LDLRAD4: variants seen among roughly 807,000 people sequenced by gnomAD.
LDLRAD4 encodes low-density lipoprotein receptor class A domain-containing protein 4.
A neutral mutation model predicts 17.0 loss-of-function variants in LDLRAD4; 5 were observed. The observed-to-expected ratio is 0.29, with a 90% confidence interval of 0.15 to 0.62. LDLRAD4 has a LOEUF of 0.62. Among genes scored for constraint, LDLRAD4 ranks in the 20% least tolerant of loss-of-function variants. The pLI, the probability that LDLRAD4 is intolerant of heterozygous loss-of-function variation, is 0.84. For missense variants in LDLRAD4, 340 were observed against 424.7 expected (o/e 0.80, Z 1.75); for synonymous variants, 168 against 171.8 (o/e 0.98, Z 0.17).
chr18:13,287,496 G>A lies in LDLRAD4; in HGVS notation c.-383+9308G>A, dbSNP rs149752825. Among the ~76,000 whole-genome samples, 81 of 152,242 alleles carry A rather than the reference G, an allele frequency of 5.3e-4. 1 individual carries two copies. In the East Asian group the frequency reaches 0.014, roughly 27 times the overall value. On this transcript the variant is annotated intron_variant, in intron 1 of 5. Coordinates refer to ENST00000359446, the Ensembl canonical transcript of LDLRAD4. ...TGTATCTGATAAAGAGAAACTACCC[G>A]GTGCTTCCCTCTGGAGAGTGGGTGC...
chr18:13,388,730 G>A (rs187662069), intron 2 of LDLRAD4, among the ~76,000 whole-genome samples: 1 of 152,330 alleles, frequency 6.6e-6, no homozygotes, highest in East Asian at 1.9e-4. Context: ...GCACTCCTCC[G>A]CAGTCGCCGT....
chr18:13,304,842 C>A (rs963442508), intron 1 of LDLRAD4, among the ~76,000 whole-genome samples: 1 of 152,066 alleles, frequency 6.6e-6, no homozygotes. Flanking sequence ...GGGATGGGGA[C>A]AGGGAAGATG....
At chr18:13,322,194 A>AT (rs1383723157) in intron 1 of LDLRAD4, among the ~76,000 whole-genome samples, 3 of 150,966 alleles carry the variant, frequency 2.0e-5, no homozygotes, top group African/African-American at 4.9e-5. Flanking sequence ...TCCCTTCTTA[A>AT]TTTTTTTATG....
At chr18:13,390,401 C>T (rs780835404) in intron 2 of LDLRAD4, among the ~76,000 whole-genome samples, 4 of 152,246 alleles carry the variant, frequency 2.6e-5, no homozygotes, top group African/African-American at 4.8e-5. Flanking sequence ...TGCCAGTGGC[C>T]TCTCCAGATT....
At chr18:13,394,349 G>A (rs2086494885) in intron 2 of LDLRAD4, among the ~76,000 whole-genome samples, 1 of 152,062 alleles carries the variant, frequency 6.6e-6, no homozygotes, top group Non-Finnish European at 1.5e-5. Context: ...GTAGTCTCAT[G>A]TCGAGATGTG....
intron 3 of LDLRAD4, among the ~76,000 whole-genome samples, chr18:13,513,177 G>A (rs2093809603): frequency 6.6e-6 from 1 of 152,212 alleles, no homozygotes; most frequent in Non-Finnish European, 1.5e-5. Flanking sequence ...TGTTCTGGGT[G>A]GCACTTGCCC....
intron 1 of LDLRAD4, among the ~76,000 whole-genome samples, chr18:13,376,824 G>A (rs80225370): frequency 6.6e-6 from 1 of 152,224 alleles, no homozygotes; most frequent in Non-Finnish European, 1.5e-5. Context: ...CTTTTCCTGT[G>A]TGAGAGCACA....
chr18:13,627,481 G>C (rs1197656456), intron 4 of LDLRAD4, among the ~76,000 whole-genome samples: 1 of 152,078 alleles, frequency 6.6e-6, no homozygotes, highest in Non-Finnish European at 1.5e-5. Flanking sequence ...TGCACGTGGG[G>C]GTTGTTTTTC....
At chr18:13,620,975 GT>G in intron 3 of LDLRAD4, 141 bp from the exon 5 acceptor site, 1 of 1,201,128 alleles carries the variant, frequency 8.3e-7, no homozygotes, top group Non-Finnish European at 1.2e-6. Context: ...TGGGACAGTC[GT>G]TTCTGTGTCC....
intron 3 of LDLRAD4, among the ~76,000 whole-genome samples, chr18:13,599,983 T>C (rs906816135): frequency 2.0e-5 from 3 of 152,220 alleles, no homozygotes; most frequent in Admixed American, 6.5e-5. Flanking sequence ...TTTTATTATA[T>C]ATCTTTTAAA....
chr18:13,369,005 A>G (rs1372465002), intron 1 of LDLRAD4, among the ~76,000 whole-genome samples: 1 of 152,180 alleles, frequency 6.6e-6, no homozygotes, highest in African/African-American at 2.4e-5. Context: ...TGCCAGGCCA[A>G]GCCATGATCT....
At chr18:13,326,615 A>G (rs1451180515) in intron 1 of LDLRAD4, among the ~76,000 whole-genome samples, 7 of 152,218 alleles carry the variant, frequency 4.6e-5, no homozygotes, top group African/African-American at 1.4e-4. Context: ...GGAATGATCT[A>G]TGGGGCAACC....
At chr18:13,494,599 G>A (rs1353888731) in intron 3 of LDLRAD4, among the ~76,000 whole-genome samples, 1 of 83,976 alleles carries the variant, frequency 1.2e-5, no homozygotes, top group Non-Finnish European at 2.6e-5. Flanking sequence ...GATCCCTTGA[G>A]CCCCAGGAGA....
At chr18:13,337,222 G>A (rs189622200) in intron 1 of LDLRAD4, among the ~76,000 whole-genome samples, 13 of 152,088 alleles carry the variant, frequency 8.5e-5, no homozygotes, top group Non-Finnish European at 1.3e-4. Context: ...TCCCATTCGC[G>A]CACTCATACT....
chr18:13,551,247 C>T (rs1488729354), intron 3 of LDLRAD4, among the ~76,000 whole-genome samples: 3 of 152,162 alleles, frequency 2.0e-5, no homozygotes, highest in African/African-American at 4.8e-5. Flanking sequence ...AGAGCAGCAG[C>T]GAGGGTCCCC....
At chr18:13,434,402 G>C (rs1035667016) in intron 2 of LDLRAD4, among the ~76,000 whole-genome samples, 1 of 152,046 alleles carries the variant, frequency 6.6e-6, no homozygotes, top group Admixed American at 6.5e-5. Flanking sequence ...GGAGACACTG[G>C]TTCCTGAGCA....
At chr18:13,517,514 G>C (rs1282056922) in intron 3 of LDLRAD4, among the ~76,000 whole-genome samples, 1 of 152,192 alleles carries the variant, frequency 6.6e-6, no homozygotes. Flanking sequence ...AATGTCTCTG[G>C]TGGCCATCTG....
chr18:13,334,586 T>C (rs2082018323), intron 1 of LDLRAD4, among the ~76,000 whole-genome samples: 1 of 152,214 alleles, frequency 6.6e-6, no homozygotes, highest in Admixed American at 6.5e-5. Context: ...CTATAGTTGC[T>C]TATTAGTTTC....
At chr18:13,364,624 G>A (rs928903260) in intron 1 of LDLRAD4, among the ~76,000 whole-genome samples, 2 of 152,174 alleles carry the variant, frequency 1.3e-5, no homozygotes, top group African/African-American at 2.4e-5. Flanking sequence ...TTACAGGTGC[G>A]AGCTGCCACA....
Sources: gnomAD v4.1 joint callset for allele counts (sites outside exome capture counted in the v4.1 genomes callset) on GRCh38, gnomAD v4.1.1 for gene constraint, MANE v1.5 for transcripts, NCBI Gene and HGNC (gene_info 2026-07-23, HGNC 2026-07-21) for gene names.